Variants in SRGAP3 observed in about 807,000 individuals in gnomAD.
The protein encoded by SRGAP3 is SLIT-ROBO Rho GTPase activating protein 3, also known as SLIT-ROBO Rho GTPase-activating protein 3.
SRGAP3 carries 39 observed loss-of-function variants against 121.1 expected under a neutral mutation model. The ratio of observed to expected loss-of-function variants is 0.32; its 90% CI spans 0.25 to 0.42. SRGAP3 has a LOEUF of 0.42. Ranked by LOEUF, SRGAP3 falls within the 10% of genes least tolerant of loss-of-function variation. The pLI, the probability that SRGAP3 is intolerant of heterozygous loss-of-function variation, is 1.00. For missense variants in SRGAP3, 1,213 were observed against 1,470.6 expected, an observed-to-expected ratio of 0.82 and a Z score of 2.86; for synonymous variants, 601 against 570.0, an observed-to-expected ratio of 1.05 and a Z score of -0.77.
chr3:9,101,276 CT>C (rs1354823736), intron 3 of SRGAP3, among the ~76,000 whole-genome samples: 1 of 152,200 alleles, frequency 6.6e-6, no homozygotes, highest in Non-Finnish European at 1.5e-5. Context: ...CTCCCTTCTT[CT>C]TGTAAAGGCA....
intron 4 of SRGAP3, among the ~76,000 whole-genome samples, chr3:9,076,489 C>T (rs184053191): frequency 1.3e-5 from 2 of 152,084 alleles, no homozygotes; most frequent in Non-Finnish European, 2.9e-5. Context: ...TGGCCAAGCT[C>T]GTAAGTGGTG....
intron 3 of SRGAP3, among the ~76,000 whole-genome samples, chr3:9,262,667 C>T (rs1043459762): frequency 2.0e-5 from 3 of 151,556 alleles, no homozygotes; most frequent in African/African-American, 7.3e-5. Flanking sequence ...ACAAGAAGAG[C>T]TAATTATCCT....
At chr3:9,022,757 A>G (rs1943990991) in intron 14 of SRGAP3, among the ~76,000 whole-genome samples, 1 of 152,232 alleles carries the variant, frequency 6.6e-6, no homozygotes, top group Non-Finnish European at 1.5e-5. Flanking sequence ...CAGGTGGAGC[A>G]GAAGGACCAG....
rs1040012869 is a variant in SRGAP3, at chr3:9,348,412, CCA to C, written n.214+14426_214+14427del. 21 of 587,394 alleles carry C rather than the reference CCA, an allele frequency of 3.6e-5. No homozygotes were observed. In the African/African-American group the frequency reaches 3.9e-4, roughly 11 times the overall value. The allele number at this position is 587,394 out of a possible 1,614,324, so 36.4% of individuals were successfully genotyped here. A position where few individuals can be genotyped will look rare whatever the true frequency, so the allele number is the denominator to read the frequency against. On this transcript the variant is annotated intron_variant and non_coding_transcript_variant, in intron 1 of 3. Transcript: ENST00000490889. ...AATGTGCCTCCAGAATCCGCGAACCCCAGTCAGCGTCGCATCCCCAGCCCGCC... is the reference window on the plus strand; with the variant it reads ...AATGTGCCTCCAGAATCCGCGAACCCGTCAGCGTCGCATCCCCAGCCCGCC...
At chr3:9,313,677 T>G (rs1056537852) in intron 3 of SRGAP3, among the ~76,000 whole-genome samples, 3 of 143,334 alleles carry the variant, frequency 2.1e-5, no homozygotes, top group Non-Finnish European at 4.5e-5. Flanking sequence ...ACTCTATGTC[T>G]TAAAAAAAAA....
At chr3:9,261,061 G>T (rs537620506) in intron 3 of SRGAP3, among the ~76,000 whole-genome samples, 3 of 152,170 alleles carry the variant, frequency 2.0e-5, no homozygotes, top group African/African-American at 7.2e-5. Flanking sequence ...AGGCAAACAG[G>T]ATCTGGAGTG....
At chr3:9,224,397 C>A (rs1446322073) in intron 1 of SRGAP3, among the ~76,000 whole-genome samples, 3 of 152,182 alleles carry the variant, frequency 2.0e-5, no homozygotes, top group Non-Finnish European at 2.9e-5. Context: ...ACCACGCACC[C>A]CTCCTCCACC....
intron 1 of SRGAP3, among the ~76,000 whole-genome samples, chr3:9,177,880 A>T (rs983521913): frequency 1.3e-5 from 2 of 152,180 alleles, no homozygotes; most frequent in Admixed American, 1.3e-4. Context: ...AGAGATGGAC[A>T]CACAACCAAG....
chr3:9,040,171 C>A (rs568176419), intron 10 of SRGAP3, among the ~76,000 whole-genome samples: 1 of 152,214 alleles, frequency 6.6e-6, no homozygotes, highest in Non-Finnish European at 1.5e-5. Context: ...CCACTACCAT[C>A]CATTCTTGCC....
At chr3:8,998,729 A>G (rs1271183987) in intron 18 of SRGAP3, among the ~76,000 whole-genome samples, 1 of 152,152 alleles carries the variant, frequency 6.6e-6, no homozygotes, top group Admixed American at 6.5e-5. Context: ...CCTAGGACAA[A>G]CAGGCACTCA....
At chr3:9,254,153 T>A (rs1206964986), upstream of SRGAP3, among the ~76,000 whole-genome samples, 1 of 152,150 alleles carries the variant, frequency 6.6e-6, no homozygotes, top group Non-Finnish European at 1.5e-5. Flanking sequence ...TACATGAATA[T>A]TCGTAGGAGC....
intron 2 of SRGAP3, among the ~76,000 whole-genome samples, chr3:9,328,589 A>T (rs973481969): frequency 6.6e-6 from 1 of 152,250 alleles, no homozygotes; most frequent in Non-Finnish European, 1.5e-5. Flanking sequence ...TACCAAAGGT[A>T]ACCTCCCAGG....
At chr3:8,986,190 G>C (rs139435103) in intron 21 of SRGAP3, among the ~76,000 whole-genome samples, 3 of 152,212 alleles carry the variant, frequency 2.0e-5, no homozygotes, top group Admixed American at 6.5e-5. Context: ...GAGTCAGACA[G>C]ACACGGATTC....
intron 3 of SRGAP3, among the ~76,000 whole-genome samples, chr3:9,268,282 G>C (rs1261239624): frequency 6.7e-6 from 1 of 149,506 alleles, no homozygotes; most frequent in Non-Finnish European, 1.5e-5. Context: ...TATAAGAAGA[G>C]ACCAGAGAGA....
intron 4 of SRGAP3, among the ~76,000 whole-genome samples, chr3:9,078,914 C>T (rs914042056): frequency 6.6e-6 from 1 of 152,110 alleles, no homozygotes; most frequent in African/African-American, 2.4e-5. Flanking sequence ...GAGACTGAGG[C>T]CCAGGAAAAA....
chr3:9,285,587 C>T (rs1201614328), intron 3 of SRGAP3, among the ~76,000 whole-genome samples: 1 of 152,136 alleles, frequency 6.6e-6, no homozygotes, highest in Non-Finnish European at 1.5e-5. Context: ...AGATCTCACA[C>T]TTACTTGTTC....
At chr3:9,339,173 C>T (rs1297065627) in intron 1 of SRGAP3, among the ~76,000 whole-genome samples, 1 of 152,148 alleles carries the variant, frequency 6.6e-6, no homozygotes, top group Non-Finnish European at 1.5e-5. Flanking sequence ...TACTTAACTG[C>T]CCTGGGCCTT....
At chr3:9,320,525 C>T (rs897845241) in intron 3 of SRGAP3, among the ~76,000 whole-genome samples, 2 of 151,862 alleles carry the variant, frequency 1.3e-5, no homozygotes, top group Admixed American at 6.5e-5. Context: ...CCATGTGAGA[C>T]GACTCGCTCC....
intron 20 of SRGAP3, among the ~76,000 whole-genome samples, chr3:8,992,310 A>T (rs1220241951): frequency 6.6e-6 from 1 of 152,208 alleles, no homozygotes; most frequent in Non-Finnish European, 1.5e-5. Flanking sequence ...TTTTTTAAAA[A>T]ATAACCACAT....
Sources: gnomAD v4.1 joint callset for allele counts (sites outside exome capture counted in the v4.1 genomes callset) on GRCh38, gnomAD v4.1.1 for gene constraint, MANE v1.5 for transcripts, NCBI Gene and HGNC (gene_info 2026-07-23, HGNC 2026-07-21) for gene names.